Variants in NXPE3 observed in about 807,000 individuals in gnomAD.
The protein encoded by NXPE3 is NXPE family member 3.
In NXPE3, 26 loss-of-function variants were observed where a neutral mutation model predicts 46.1. The ratio of observed to expected loss-of-function variants is 0.56; its 90% CI spans 0.41 to 0.78. NXPE3 has a LOEUF of 0.78. Ranked by LOEUF, NXPE3 falls within the 30% of genes least tolerant of loss-of-function variation. The probability of loss-of-function intolerance (pLI) is 0.00; values close to 1 mark genes in which losing one functional copy is unlikely to be tolerated. For missense variants in NXPE3, 620 were observed against 686.0 expected (o/e 0.90, Z 1.07); for synonymous variants, 272 against 257.9 (o/e 1.05, Z -0.52).
Position 101,824,839 on chromosome 3 carries a change from C to A in NXPE3, c.*2885C>A, listed in dbSNP as rs146717192. Reference sequence around the variant, plus strand: ...TCCCAGGAGAATTTTAAAAAGAAAGCGGGCATTGCTCCTCCAGTGGTTTGG... The same window carrying A: ...TCCCAGGAGAATTTTAAAAAGAAAGAGGGCATTGCTCCTCCAGTGGTTTGG... On this transcript the variant is annotated 3_prime_UTR_variant, in exon 8 of 8. Coordinates refer to ENST00000273347, the MANE Select transcript of NXPE3 (RefSeq NM_145037.4). 6.6e-6 allele frequency: 1 copy of A among 152,006 alleles called. No homozygotes were observed. Among genetic ancestry groups the A allele is most frequent in the African/African-American group, 2.4e-5 (1 of 41,390 alleles). The allele number at this position is 152,006 out of a possible 1,614,324, so 9.4% of individuals were successfully genotyped here.
Position 101,816,938 on chromosome 3 carries a change from G to T in NXPE3, c.1066G>T (p.Val356Leu), listed in dbSNP as rs765071057. Residue 356 changes from valine (V) to leucine (L), a missense_variant, in exon 7 of 8, where the codon GTG (valine) becomes TTG (leucine). Val to Leu is a conservative substitution (Grantham distance 32). Around this residue, in one of 3 missense-constraint regions of NXPE3, gnomAD observed 511 missense variants for 528.6 expected, o/e 0.97. Coordinates refer to ENST00000273347, the MANE Select transcript of NXPE3 (RefSeq NM_145037.4). ...TACAGAGTGCTTACAAAGAAAAGTG[G>T]TGCATTTATTTGGTGACTCAACAAT... The part of the protein sequence containing the change: ...NITECLQRKV[V>L]HLFGDSTIRQ... The T allele has an allele frequency of 1.9e-6, 3 of 1,614,118 alleles. No homozygotes were observed. In the Admixed American group the frequency reaches 5.0e-5, roughly 27 times the overall value.
chr3:101,821,022 C>T (rs754360342), intron 7 of NXPE3, among the ~76,000 whole-genome samples: 11 of 152,026 alleles, frequency 7.2e-5, no homozygotes, highest in Non-Finnish European at 1.6e-4. Context: ...AGTAAAAAAA[C>T]CCAAACTTTT....
At position 101,825,051 on chromosome 3, in the gene NXPE3, T is replaced by C. The variant is rs1354833101; in HGVS notation, c.*3097T>C. 1 of 152,228 alleles carries C rather than the reference T, an allele frequency of 6.6e-6. No homozygotes were observed. The highest frequency in any genetic ancestry group is 1.5e-5 in the Non-Finnish European group (1 of 68,030). 9.4% of individuals were successfully genotyped at this position (152,228 alleles called of 1,614,324 possible). On this transcript the variant is annotated 3_prime_UTR_variant, in exon 8 of 8. Coordinates refer to ENST00000273347, the MANE Select transcript of NXPE3 (RefSeq NM_145037.4). ...GGGGTACATGTGCCAGTTTGTTTCA[T>C]AGGTAAACTTACGTCATGGGGGTTT...
In NXPE3 at chr3:101,809,078, T is replaced by G. The variant is rs1941590284; in HGVS notation, c.922+1952T>G. On this transcript the variant is annotated intron_variant, in intron 6 of 7. Coordinates refer to ENST00000273347, the MANE Select transcript of NXPE3 (RefSeq NM_145037.4). ...CCCAGGGATGGTCAGTGGGAGGAAC[T>G]TTGGAAAGTTTACCTGTACCTGACA... Among the ~76,000 whole-genome samples the G allele has an allele frequency of 2.0e-5, 3 of 151,756 alleles. No homozygotes were observed. In the South Asian group the frequency reaches 6.2e-4, roughly 31 times the overall value.
intron 4 of NXPE3, among the ~76,000 whole-genome samples, chr3:101,793,627 CTTTTTTTTTTTTT>C: frequency 1.5e-4 from 3 of 19,392 alleles, no homozygotes; most frequent in African/African-American, 5.5e-4. Context: ...TTGACAAGGT[CTTTTTTTTTTTTT>C]TTTTTTTTTT....
In NXPE3 at chr3:101,785,530, G is replaced by A. The variant is rs1448861780; in HGVS notation, c.-67G>A. 2 of 1,400,678 alleles carry A rather than the reference G, an allele frequency of 1.4e-6. No homozygotes were observed. The highest frequency in any genetic ancestry group is 1.7e-5 in the Admixed American group (1 of 59,646). The allele number at this position is 1,400,678 out of a possible 1,614,324, so 86.8% of individuals were successfully genotyped here. On this transcript the variant is annotated 5_prime_UTR_variant, in exon 4 of 8. Transcript: ENST00000273347. Reference sequence around the variant, plus strand: ...CTCATCTGCAGCTCAGAAAAGCAAAGACATGGAATTTTAAAGAGTGAAGGT... The same window carrying A: ...CTCATCTGCAGCTCAGAAAAGCAAAAACATGGAATTTTAAAGAGTGAAGGT...
chr3:101,814,871 G>C (rs1041193788), intron 6 of NXPE3, among the ~76,000 whole-genome samples: 1 of 152,176 alleles, frequency 6.6e-6, no homozygotes, highest in Admixed American at 6.5e-5. Flanking sequence ...AAGATCATGG[G>C]CTTTGGGCTC....
In NXPE3 at chr3:101,821,693, A is replaced by C. The variant is rs1288633420; in HGVS notation, c.1419A>C (p.Arg473=). ...IRRAVVRLLD[R]SPKTVVVIRT... is the part of the protein sequence containing the mutation. ...GAGCAGTGGTTCGGCTCCTCGATCG[A>C]AGCCCAAAGACCGTGGTGGTCATCC... Residue 473 remains arginine, a synonymous_variant, in exon 8 of 8, where the codon CGA becomes CGC. Transcript: ENST00000273347. 18 of 1,614,184 alleles carry C rather than the reference A, an allele frequency of 1.1e-5. No homozygotes were observed. Among genetic ancestry groups the C allele is most frequent in the Non-Finnish European group, 1.5e-5 (18 of 1,180,034 alleles).
chr3:101,811,803 G>A (rs1005196652), intron 6 of NXPE3, among the ~76,000 whole-genome samples: 4 of 142,356 alleles, frequency 2.8e-5, no homozygotes, highest in Non-Finnish European at 4.5e-5. Context: ...GTGTGATCTC[G>A]GCTCATTAAA....
intron 6 of NXPE3, among the ~76,000 whole-genome samples, chr3:101,812,938 C>A (rs1230942462): frequency 6.7e-6 from 1 of 148,974 alleles, no homozygotes; most frequent in Non-Finnish European, 1.5e-5. Context: ...CCTCTGTAAA[C>A]TGCAGAGGTT....
Position 101,801,267 on chromosome 3 carries a change from C to G in NXPE3, c.126C>G (p.Phe42Leu). ...ACCATGAGACTGTTTCAGCCACTTT[C>G]ATCGACAGCAGTGGACAGTTTGTTT... ...YLDHETVSATFIDSSGQFVSS... is the reference protein window; with the variant it reads ...YLDHETVSATLIDSSGQFVSS... The change falls in exon 5 of 8, where the codon TTC becomes TTG. Residue 42 changes from phenylalanine (F) to leucine (L), a missense_variant. Coordinates refer to ENST00000273347, the MANE Select transcript of NXPE3 (RefSeq NM_145037.4). The G allele has an allele frequency of 6.2e-7, 1 of 1,613,180 alleles. No individual in the cohort carries two copies.
chr3:101,780,079 A>G (rs1939723474), intron 1 of NXPE3: 1 of 152,328 alleles, frequency 6.6e-6, no homozygotes, highest in South Asian at 2.1e-4. Context: ...TTTACATTAA[A>G]GGGGGATTGT....
At chr3:101,809,635 AT>A (rs1282969795) in intron 6 of NXPE3, among the ~76,000 whole-genome samples, 9 of 152,204 alleles carry the variant, frequency 5.9e-5, no homozygotes, top group African/African-American at 2.2e-4. Context: ...CATTTTAAGT[AT>A]TTATATCAGT....
At chr3:101,816,704 C>T in intron 6 of NXPE3, 91 bp from the exon 7 acceptor site, 1 of 985,012 alleles carries the variant, frequency 1.0e-6, no homozygotes. Flanking sequence ...ATCAGGCTAA[C>T]AAATACATGG....
chr3:101,817,259 C>G (rs1942016044), intron 7 of NXPE3, among the ~76,000 whole-genome samples: 1 of 152,164 alleles, frequency 6.6e-6, no homozygotes, highest in Non-Finnish European at 1.5e-5. Flanking sequence ...AAGTCATTTA[C>G]TTTTTAGGGC....
intron 4 of NXPE3, among the ~76,000 whole-genome samples, chr3:101,800,586 A>G (rs935600185): frequency 5.9e-5 from 9 of 151,952 alleles, no homozygotes; most frequent in Non-Finnish European, 1.3e-4. Flanking sequence ...GGATCTGTGT[A>G]TTTCTGATAG....
chr3:101,821,357 G>GCCACTTAATAAGGTATAATCAAA, intron 7 of NXPE3, 47 bp from the exon 8 acceptor site: 1 of 1,538,296 alleles, frequency 6.5e-7, no homozygotes, highest in Non-Finnish European at 8.9e-7. Context: ...CAAAATATAT[G>GCCACTTAATAAGGTATAATCAAA]TGCTTGGTTT....
chr3:101,805,752 T>A (rs1941388292), intron 5 of NXPE3, among the ~76,000 whole-genome samples: 1 of 152,180 alleles, frequency 6.6e-6, no homozygotes, highest in Admixed American at 6.6e-5. Flanking sequence ...GCTTTGGATT[T>A]GCTTTATTGT....
chr3:101,818,113 G>A lies in NXPE3; in HGVS notation c.1129+1112G>A, dbSNP rs551075633. On this transcript the variant is annotated intron_variant, in intron 7 of 7. Coordinates refer to ENST00000273347, the MANE Select transcript of NXPE3 (RefSeq NM_145037.4). ...TCACTGTGTTGCTCAGGCTAGTCTC[G>A]AATTCTCATGCTCAAGCAGTCCGCC... 6.6e-5 allele frequency among the ~76,000 whole-genome samples: 10 copies of A among 151,800 alleles called. No homozygotes were observed. The South Asian group carries it at 1.3e-3, about 19-fold the overall frequency.
Sources: allele counts gnomAD v4.1 joint callset (sites outside exome capture counted in the v4.1 genomes callset), GRCh38; gene constraint gnomAD v4.1.1; regional missense constraint gnomAD v4.1.1; transcripts MANE v1.5; gene names NCBI Gene and HGNC (gene_info 2026-07-23, HGNC 2026-07-21).